Variants in FRMPD4 observed in about 807,000 individuals in gnomAD.
FRMPD4 encodes the protein FERM and PDZ domain-containing protein 4.
In FRMPD4, 22 loss-of-function variants were observed where a neutral mutation model predicts 94.1. That is an observed-to-expected ratio of 0.23 (90% CI 0.17 to 0.33). The LOEUF (loss-of-function observed/expected upper bound fraction) is 0.33, where lower values mean the gene tolerates loss of function less well. Among genes scored for constraint, FRMPD4 ranks in the 10% least tolerant of loss-of-function variants. The probability of loss-of-function intolerance (pLI) is 1.00; values close to 1 mark genes in which losing one functional copy is unlikely to be tolerated. For missense variants in FRMPD4, 1,111 were observed against 1,339.9 expected (o/e 0.83, Z 2.67); for synonymous variants, 631 against 548.6 (o/e 1.15, Z -2.10).
At chrX:11,965,808 C>T (rs1284855958) in intron 3 of FRMPD4, among the ~76,000 whole-genome samples, 1 of 111,874 alleles carries the variant, frequency 8.9e-6, no homozygotes, top group Non-Finnish European at 1.9e-5. Flanking sequence ...CTATTTCCAC[C>T]CCAGTATGGA....
At chrX:12,565,903 G>A (rs2058706979) in intron 2 of FRMPD4, among the ~76,000 whole-genome samples, 1 of 111,744 alleles carries the variant, frequency 8.9e-6, no homozygotes. Flanking sequence ...ATAATAAAAA[G>A]TTTACTAAAA....
chrX:12,607,666 T>C (rs2059144081), intron 2 of FRMPD4, among the ~76,000 whole-genome samples: 1 of 112,102 alleles, frequency 8.9e-6, no homozygotes, highest in Non-Finnish European at 1.9e-5. Flanking sequence ...AAAGAAGGAA[T>C]GAGTGGGGTA....
chrX:12,193,265 A>T (rs1047613960), intron 1 of FRMPD4, among the ~76,000 whole-genome samples: 1 of 111,542 alleles, frequency 9.0e-6, no homozygotes, highest in Admixed American at 9.6e-5. Flanking sequence ...AAGCCGCTAA[A>T]ATAAATCTGT....
At chrX:12,016,719 G>A (rs183850308) in intron 3 of FRMPD4, among the ~76,000 whole-genome samples, 55 of 112,094 alleles carry the variant, frequency 4.9e-4, no homozygotes, top group African/African-American at 1.7e-3. Flanking sequence ...CTTTTGGAAG[G>A]TGAGGTATAT....
chrX:12,398,628 G>A (rs2056573055), intron 1 of FRMPD4, among the ~76,000 whole-genome samples: 1 of 111,771 alleles, frequency 8.9e-6, no homozygotes, highest in Non-Finnish European at 1.9e-5. Context: ...AGTCATGTCA[G>A]ATGGTCCTAA....
chrX:12,472,357 C>A (rs1275828487), intron 1 of FRMPD4, among the ~76,000 whole-genome samples: 1 of 112,230 alleles, frequency 8.9e-6, no homozygotes, highest in Non-Finnish European at 1.9e-5. Context: ...AGGCAATCAT[C>A]TTGTTCTCCC....
chrX:12,138,573 G>A lies in FRMPD4; in HGVS notation c.-399G>A. The A allele has an allele frequency of 3.8e-6, 1 of 262,466 alleles. No individual in the cohort carries two copies. The highest frequency in any genetic ancestry group is 5.6e-5 in the East Asian group (1 of 17,749). 21.6% of individuals were successfully genotyped at this position (262,466 alleles called of 1,213,427 possible). A position where few individuals can be genotyped will look rare whatever the true frequency, so the allele number is the denominator to read the frequency against. On this transcript the variant is annotated 5_prime_UTR_variant, in exon 1 of 17. Transcript: ENST00000675598. ...GGTGCGTGGGGCACGAGGGTCCGAGGGCCGGGAAGCCAGAGCAGCGCCTCT... is the reference window on the plus strand; with the variant it reads ...GGTGCGTGGGGCACGAGGGTCCGAGAGCCGGGAAGCCAGAGCAGCGCCTCT...
upstream of FRMPD4, among the ~76,000 whole-genome samples, chrX:12,138,053 G>A (rs1334417453): frequency 1.8e-5 from 2 of 111,654 alleles, no homozygotes; most frequent in East Asian, 5.7e-4. Context: ...AGACACTCCC[G>A]CGGTGCTGCT....
At chrX:12,359,815 C>T (rs753101158) in intron 1 of FRMPD4, among the ~76,000 whole-genome samples, 1 of 111,398 alleles carries the variant, frequency 9.0e-6, no homozygotes, top group Non-Finnish European at 1.9e-5. Flanking sequence ...GGGGAGGGAG[C>T]GGTTTTCCTC....
intron 3 of FRMPD4, among the ~76,000 whole-genome samples, chrX:11,943,365 ATTTATT>A (rs2147358566): frequency 9.0e-6 from 1 of 110,677 alleles, no homozygotes; most frequent in South Asian, 3.9e-4. Flanking sequence ...ACTCCATACT[ATTTATT>A]TTTATTTACT....
intron 4 of FRMPD4, among the ~76,000 whole-genome samples, chrX:12,671,424 T>C (rs928445230): frequency 9.0e-6 from 1 of 111,585 alleles, no homozygotes; most frequent in Non-Finnish European, 1.9e-5. Flanking sequence ...GATGAGTTCA[T>C]GTCCTTTGCA....
chrX:12,092,654 G>A (rs1354275236), intron 3 of FRMPD4, among the ~76,000 whole-genome samples: 1 of 111,637 alleles, frequency 9.0e-6, no homozygotes, highest in East Asian at 2.8e-4. Flanking sequence ...TGAGGCTCAT[G>A]TGCCAAACCT....
intron 3 of FRMPD4, among the ~76,000 whole-genome samples, chrX:12,038,194 A>T (rs1211851566): frequency 8.9e-6 from 1 of 112,130 alleles, no homozygotes; most frequent in Non-Finnish European, 1.9e-5. Flanking sequence ...TTTTTAAGAC[A>T]TGCTAAAGTC....
chrX:11,953,161 G>A (rs944508723), intron 3 of FRMPD4, among the ~76,000 whole-genome samples: 8 of 111,674 alleles, frequency 7.2e-5, no homozygotes, highest in Admixed American at 4.7e-4. Flanking sequence ...AAATGAATTT[G>A]ACTTACCCTC....
chrX:12,393,316 A>C (rs1394713033), intron 1 of FRMPD4, among the ~76,000 whole-genome samples: 1 of 112,411 alleles, frequency 8.9e-6, no homozygotes, highest in Non-Finnish European at 1.9e-5. Flanking sequence ...TTCAGGGAGA[A>C]AGAAAAAACA....
intron 1 of FRMPD4, among the ~76,000 whole-genome samples, chrX:12,150,016 T>A (rs1189743119): frequency 8.9e-6 from 1 of 112,634 alleles, no homozygotes; most frequent in African/African-American, 3.2e-5. Flanking sequence ...TATGCCATTG[T>A]TCTTTTAGAC....
intron 1 of FRMPD4, among the ~76,000 whole-genome samples, chrX:12,315,226 C>A (rs1303792574): frequency 1.8e-5 from 2 of 112,279 alleles, no homozygotes; most frequent in Non-Finnish European, 3.8e-5. Context: ...AGTTTCCTTG[C>A]CAGAAAATTT....
At chrX:12,302,258 T>C (rs2054873081) in intron 1 of FRMPD4, among the ~76,000 whole-genome samples, 1 of 112,257 alleles carries the variant, frequency 8.9e-6, no homozygotes, top group Non-Finnish European at 1.9e-5. Context: ...TGATAGTTTA[T>C]ATGCAGATTG....
intron 3 of FRMPD4, among the ~76,000 whole-genome samples, chrX:11,970,467 T>C (rs1054063808): frequency 2.7e-5 from 3 of 112,220 alleles, no homozygotes; most frequent in African/African-American, 9.7e-5. Flanking sequence ...TCACACTGAC[T>C]CTACCTAGAA....
Sources: gnomAD v4.1 joint callset for allele counts (sites outside exome capture counted in the v4.1 genomes callset) on GRCh38, gnomAD v4.1.1 for gene constraint, MANE v1.5 for transcripts, NCBI Gene and HGNC (gene_info 2026-07-23, HGNC 2026-07-21) for gene names.